Variants in DOCK3 observed in about 807,000 individuals in gnomAD.
DOCK3 encodes dedicator of cytokinesis protein 3.
DOCK3 carries 60 observed loss-of-function variants against 265.6 expected under a neutral mutation model. The ratio of observed to expected loss-of-function variants is 0.23; its 90% confidence interval spans 0.18 to 0.28. The LOEUF is 0.28. Among genes scored for constraint, DOCK3 ranks in the 10% least tolerant of loss-of-function variants. The pLI is 1.00. For synonymous variants in DOCK3, 881 were observed against 938.0 expected, an observed-to-expected ratio of 0.94 and a Z score of 1.11; for missense variants, 1,981 against 2,594.3, an observed-to-expected ratio of 0.76 and a Z score of 5.14.
At chr3:50,883,830 T>C (rs6795573) in intron 3 of DOCK3, among the ~76,000 whole-genome samples, 37,116 of 152,110 alleles carry the variant, frequency 0.24, 5,687 homozygotes, top group East Asian at 0.39. Context: ...TTATTATGTT[T>C]CAAAATGTTT....
Position 51,159,260 on chromosome 3 carries a change from A to C in DOCK3, c.845A>C (p.Asp282Ala). The change falls in exon 11 of 53, where the codon GAT becomes GCT. Residue 282 changes from aspartate to alanine, a missense_variant. Around this residue, in one of 4 missense-constraint regions of DOCK3, gnomAD observed 456 missense variants for 539.0 expected, o/e 0.85. Transcript: ENST00000266037. ...CALFTDLSSKDMKRDLYIVAH... is the reference protein window; with the variant it reads ...CALFTDLSSKAMKRDLYIVAH... ...TTCTCTTAGGATCTGAGCAGCAAAGATATGAAGAGAGATTTGTATATCGTT... is the reference window on the plus strand; with the variant it reads ...TTCTCTTAGGATCTGAGCAGCAAAGCTATGAAGAGAGATTTGTATATCGTT... 3 of 1,613,658 alleles carry C rather than the reference A, an allele frequency of 1.9e-6. No individual in the cohort carries two copies. Among genetic ancestry groups the C allele is most frequent in the Non-Finnish European group, 2.5e-6 (3 of 1,179,664 alleles).
At chr3:50,678,943 G>A (rs1057048040) in intron 1 of DOCK3, among the ~76,000 whole-genome samples, 2 of 152,050 alleles carry the variant, frequency 1.3e-5, no homozygotes, top group African/African-American at 4.8e-5. Context: ...CCGAGTAGCT[G>A]GGACTACAGG....
chr3:50,822,719 C>T (rs1411706216), intron 2 of DOCK3, among the ~76,000 whole-genome samples: 2 of 152,138 alleles, frequency 1.3e-5, no homozygotes, highest in Non-Finnish European at 2.9e-5. Context: ...TACCATACTC[C>T]TGGGCTCAAG....
At position 50,889,064 on chromosome 3, in the gene DOCK3, T is replaced by TGG. The variant is rs72127289; in HGVS notation, c.163-960_163-959dup. On this transcript the variant is annotated intron_variant, in intron 3 of 52. Transcript: ENST00000266037. Reference sequence around the variant, plus strand: ...AAGAGTATAAAATATATTTAAGCCATGGGTGTGTGTGTGTGTGTGTGTGTG... The same window carrying TGG: ...AAGAGTATAAAATATATTTAAGCCATGGGGGTGTGTGTGTGTGTGTGTGTGTG... Among the ~76,000 whole-genome samples the TGG allele has an allele frequency of 3.9e-3, 487 of 124,320 alleles. 8 individuals are homozygous for TGG. The highest frequency in any genetic ancestry group is 0.017 in the East Asian group (77 of 4,514). The allele number at this position is 124,320 out of a possible 152,430, so 81.6% of individuals were successfully genotyped here.
At chr3:50,727,981 G>A (rs111819395) in intron 1 of DOCK3, among the ~76,000 whole-genome samples, 33 of 152,256 alleles carry the variant, frequency 2.2e-4, no homozygotes, top group African/African-American at 7.2e-4. Context: ...TGAAATTTTA[G>A]ATCATTATAC....
At chr3:51,168,751 T>C (rs2086529406) in intron 12 of DOCK3, among the ~76,000 whole-genome samples, 1 of 152,126 alleles carries the variant, frequency 6.6e-6, no homozygotes, top group Admixed American at 6.5e-5. Flanking sequence ...TGGGATCTAA[T>C]TAAACTAGAG....
chr3:51,328,881 G>A (rs139537313), intron 32 of DOCK3, among the ~76,000 whole-genome samples: 61 of 152,216 alleles, frequency 4.0e-4, no homozygotes, highest in African/African-American at 1.2e-3. Context: ...GGTCCAGTAC[G>A]GTGGCTCATG....
At position 51,068,072 on chromosome 3, in the gene DOCK3, T is replaced by C. The variant is rs185463986; in HGVS notation, c.464+3476T>C. Among the ~76,000 whole-genome samples, 18 of 152,366 alleles carry C rather than the reference T, an allele frequency of 1.2e-4. No homozygotes were observed. The East Asian group carries it at 3.1e-3, about 26-fold the overall frequency. ...ATGTTTTAATTGATGTAATTAAATATATGATTTTAAACTCTTATGCCTTTT... is the reference window on the plus strand; with the variant it reads ...ATGTTTTAATTGATGTAATTAAATACATGATTTTAAACTCTTATGCCTTTT... On this transcript the variant is annotated intron_variant, in intron 6 of 52. Transcript: ENST00000266037.
chr3:50,875,666 GA>G (rs2047669504), intron 3 of DOCK3, among the ~76,000 whole-genome samples: 2 of 152,256 alleles, frequency 1.3e-5, no homozygotes, highest in Middle Eastern at 6.8e-3. Flanking sequence ...TGATCACGAT[GA>G]ATGATGTTTT....
chr3:51,333,283 C>T, intron 35 of DOCK3, 30 bp downstream of exon 35: 2 of 1,601,506 alleles, frequency 1.2e-6, no homozygotes, highest in South Asian at 2.2e-5. Flanking sequence ...CTCCCCTCTT[C>T]CCTTGTCAGG....
rs143445998 is a variant in DOCK3 at position 51,374,866 on chromosome 3, G to A, written c.5412+279G>A. 9.2e-5 allele frequency among the ~76,000 whole-genome samples: 14 copies of A among 152,174 alleles called. No homozygotes were observed. Among genetic ancestry groups the A allele is most frequent in the South Asian group, 2.1e-4 (1 of 4,838 alleles). Reference sequence around the variant, plus strand: ...GTCCTTCCCGCCAGATCCTGGACTCGTCATCCCTAAACAGTCTAGCAAAGG... The same window carrying A: ...GTCCTTCCCGCCAGATCCTGGACTCATCATCCCTAAACAGTCTAGCAAAGG... On this transcript the variant is annotated intron_variant, in intron 50 of 52. Coordinates refer to ENST00000266037, the MANE Select transcript of DOCK3 (RefSeq NM_004947.5). This position sits in a 1 kb window ranked among gnomAD's most constrained non-coding sequence, Gnocchi z 4.8.
At position 50,838,406 on chromosome 3, in the gene DOCK3, A is replaced by G. The variant is rs146446223; in HGVS notation, c.122-3269A>G. ...AATTTATATCTGAAAATATTAGAGT[A>G]TAAAACTTTGCCTTAACCTTAAGTT... On this transcript the variant is annotated intron_variant, in intron 2 of 52. Transcript: ENST00000266037. Among the ~76,000 whole-genome samples, 63 of 152,342 alleles carry G rather than the reference A, an allele frequency of 4.1e-4. No individual in the cohort carries two copies. In the East Asian group the frequency reaches 0.012, roughly 28 times the overall value.
intron 1 of DOCK3, among the ~76,000 whole-genome samples, chr3:50,709,365 T>C (rs1250879205): frequency 6.6e-6 from 1 of 152,192 alleles, no homozygotes; most frequent in Non-Finnish European, 1.5e-5. Flanking sequence ...CTTCTTTCTT[T>C]CCAATCTGGC....
At chr3:51,074,217 C>T (rs767892839) in intron 6 of DOCK3, among the ~76,000 whole-genome samples, 5 of 152,156 alleles carry the variant, frequency 3.3e-5, no homozygotes, top group Admixed American at 3.3e-4. Context: ...TACAGACCCT[C>T]TCCTCAGAAA....
intron 3 of DOCK3, among the ~76,000 whole-genome samples, chr3:50,869,184 C>A (rs183911134): frequency 6.6e-6 from 1 of 151,030 alleles, no homozygotes; most frequent in East Asian, 2.0e-4. Flanking sequence ...CTGTGTTAGC[C>A]AGGATGGTCT....
In DOCK3 at chr3:50,675,444, AGGTGCG is replaced by A. The variant is rs924052569; in HGVS notation, c.37+165_37+170del. 1.7e-3 allele frequency: 1,079 copies of A among 650,488 alleles called. 8 individuals are homozygous for A. In the African/African-American group the frequency reaches 0.02, roughly 12 times the overall value. The allele number at this position is 650,488 out of a possible 1,614,324, so 40.3% of individuals were successfully genotyped here. On this transcript the variant is annotated intron_variant, in intron 1 of 52. Coordinates refer to ENST00000266037, the MANE Select transcript of DOCK3 (RefSeq NM_004947.5). This position sits in a 1 kb window ranked among gnomAD's most constrained non-coding sequence, Gnocchi z 6.1. ...CGCGGGGCGAGCGCGGGGTGGGGGC[AGGTGCG>A]GGTGCGGGTGCGGGTGCGGGGGTGG...
At chr3:50,770,234 A>G (rs2041190393) in intron 1 of DOCK3, among the ~76,000 whole-genome samples, 1 of 152,194 alleles carries the variant, frequency 6.6e-6, no homozygotes. Context: ...AACAATTAGA[A>G]CTGATAAATT....
At chr3:51,362,776 G>A in intron 49 of DOCK3, 102 bp downstream of exon 49, 1 of 1,463,786 alleles carries the variant, frequency 6.8e-7, no homozygotes, top group Non-Finnish European at 9.2e-7. Flanking sequence ...GCAGCCCTGT[G>A]ACTTAGAGAA....
At chr3:51,093,362 A>G (rs1372858317) in intron 9 of DOCK3, among the ~76,000 whole-genome samples, 2 of 152,150 alleles carry the variant, frequency 1.3e-5, no homozygotes, top group African/African-American at 4.8e-5. Flanking sequence ...TTCCTTGAGC[A>G]GTGGTTTGTA....
Sources: allele counts gnomAD v4.1 joint callset (sites outside exome capture counted in the v4.1 genomes callset), GRCh38; gene constraint gnomAD v4.1.1; regional missense constraint gnomAD v4.1.1; non-coding constraint Gnocchi (gnomAD v3.1); transcripts MANE v1.5; gene names NCBI Gene and HGNC (gene_info 2026-07-23, HGNC 2026-07-21).